Variants in RNF175 observed in about 807,000 individuals in gnomAD.
RNF175 encodes ring finger protein 175.
A neutral mutation model predicts 50.0 loss-of-function variants in RNF175; 38 were observed. The ratio of observed to expected loss-of-function variants is 0.76; its 90% CI spans 0.59 to 1.00. The LOEUF (loss-of-function observed/expected upper bound fraction) is 1.00, where lower values mean the gene tolerates loss of function less well. Among genes scored for constraint, RNF175 ranks in the 50% least tolerant of loss-of-function variants. The pLI is 0.00. For synonymous variants in RNF175, 155 were observed against 146.1 expected (o/e 1.06, Z -0.44); for missense variants, 388 against 409.6 (o/e 0.95, Z 0.46).
chr4:153,711,122 A>G (rs1320360857), intron 8 of RNF175, among the ~76,000 whole-genome samples: 3 of 152,216 alleles, frequency 2.0e-5, no homozygotes, highest in African/African-American at 7.2e-5. Context: ...CCTTTGTTAA[A>G]GTATCACTTG....
chr4:153,714,044 A>G (rs1436246679), intron 7 of RNF175: 1 of 152,250 alleles, frequency 6.6e-6, no homozygotes, highest in Admixed American at 6.5e-5. Context: ...ACTCATGCTA[A>G]AATGGGCCAT....
chr4:153,725,616 T>A (rs1377842064), intron 4 of RNF175, among the ~76,000 whole-genome samples: 1 of 152,224 alleles, frequency 6.6e-6, no homozygotes, highest in Non-Finnish European at 1.5e-5. Context: ...AGCAGGAGCT[T>A]TGCAGCCAAG....
At chr4:153,742,352 AAAAC>A (rs1038509606) in intron 3 of RNF175, among the ~76,000 whole-genome samples, 2 of 152,182 alleles carry the variant, frequency 1.3e-5, no homozygotes, top group Admixed American at 6.5e-5. Flanking sequence ...GCTTTGAAAA[AAAAC>A]AATTCATTAT....
intron 5 of RNF175, among the ~76,000 whole-genome samples, chr4:153,721,913 C>T (rs545752435): frequency 8.1e-4 from 124 of 152,246 alleles, no homozygotes; most frequent in Non-Finnish European, 1.5e-3. Flanking sequence ...TACTTTCTAC[C>T]GCTTTCCTGC....
Position 153,710,411 on chromosome 4 carries a change from T to A in RNF175, c.945A>T (p.Ile315=), listed in dbSNP as rs1339. 6.4e-7 allele frequency: 1 copy of A among 1,574,444 alleles called. No homozygotes were observed. Among genetic ancestry groups the A allele is most frequent in the Non-Finnish European group, 8.6e-7 (1 of 1,157,850 alleles). ...AATAGATAATGCCTTGAACTATTCCTATCACCACAGGTTGCCAGGCCACCA... is the reference window on the plus strand; with the variant it reads ...AATAGATAATGCCTTGAACTATTCCAATCACCACAGGTTGCCAGGCCACCA... ...RYLVAWQPVV[I]GIVQGIIYSL... Residue 315 remains isoleucine, a synonymous_variant, in exon 9 of 9, where the codon ATA becomes ATT. Coordinates refer to ENST00000347063, the MANE Select transcript of RNF175 (RefSeq NM_173662.4).
At chr4:153,716,063 CAAAAAAAAAAA>C (rs35531787) in intron 6 of RNF175, among the ~76,000 whole-genome samples, 2 of 94,190 alleles carry the variant, frequency 2.1e-5, no homozygotes, top group African/African-American at 9.7e-5. Flanking sequence ...GACTCTGTCT[CAAAAAAAAAAA>C]AAAAAAAAAA....
intron 3 of RNF175, chr4:153,748,420 C>T (rs1213189324): frequency 9.4e-6 from 4 of 423,502 alleles, no homozygotes; most frequent in Non-Finnish European, 1.7e-5. Context: ...GTGCCAGTTG[C>T]AACTCCCCTC....
At chr4:153,711,479 G>A (rs1238823805) in intron 8 of RNF175, among the ~76,000 whole-genome samples, 1 of 152,236 alleles carries the variant, frequency 6.6e-6, no homozygotes, top group Non-Finnish European at 1.5e-5. Flanking sequence ...GCAGTGCCCA[G>A]AGATGAGGGC....
intron 3 of RNF175, among the ~76,000 whole-genome samples, chr4:153,733,357 C>T (rs141912120): frequency 1.3e-5 from 2 of 152,094 alleles, no homozygotes; most frequent in African/African-American, 4.8e-5. Flanking sequence ...ACTATAAGTG[C>T]ACTTCCTACT....
chr4:153,759,695 G>T, intron 1 of RNF175, 102 bp downstream of exon 1: 1 of 733,978 alleles, frequency 1.4e-6, no homozygotes, highest in Non-Finnish European at 2.0e-6. Context: ...CCCCGGTGGG[G>T]CCCGGGGTCT....
At position 153,734,836 on chromosome 4, in the gene RNF175, C is replaced by T. The variant is rs552774389; in HGVS notation, c.247-6475G>A. Among the ~76,000 whole-genome samples the T allele has an allele frequency of 4.4e-3, 665 of 151,964 alleles. 8 individuals carry two copies. The highest frequency in any genetic ancestry group is 0.015 in the African/African-American group (639 of 41,448). On this transcript the variant is annotated intron_variant, in intron 3 of 8. Coordinates refer to ENST00000347063, the MANE Select transcript of RNF175 (RefSeq NM_173662.4). ...GACTACAGGCACCCGCCACCACACC[C>T]AGCTAATTTTTTGTATTTTTTAGTA... is the stretch of plus-strand genomic sequence containing the variant.
chr4:153,738,525 A>C (rs992413538), intron 3 of RNF175, among the ~76,000 whole-genome samples: 10 of 152,110 alleles, frequency 6.6e-5, no homozygotes, highest in African/African-American at 9.7e-5. Context: ...CTTGTTCTGA[A>C]GTCCACTTTG....
At chr4:153,718,813 T>TAAG (rs1738144581) in intron 6 of RNF175, among the ~76,000 whole-genome samples, 1 of 151,862 alleles carries the variant, frequency 6.6e-6, no homozygotes. Context: ...AGGAAAAGAG[T>TAAG]AAGATAGAGC....
chr4:153,727,550 T>A (rs2127120839), intron 4 of RNF175: 1 of 152,356 alleles, frequency 6.6e-6, no homozygotes, highest in South Asian at 2.1e-4. Context: ...CATTGTTTTA[T>A]CACTATTTTA....
chr4:153,719,700 A>G (rs2606319), intron 6 of RNF175, among the ~76,000 whole-genome samples: 4 of 152,102 alleles, frequency 2.6e-5, no homozygotes, highest in Admixed American at 2.6e-4. Context: ...TATATCTTCT[A>G]CTTCTTCAGA....
At chr4:153,756,580 C>A (rs1448245218) in intron 1 of RNF175, among the ~76,000 whole-genome samples, 4 of 152,206 alleles carry the variant, frequency 2.6e-5, no homozygotes, top group Admixed American at 6.5e-5. Flanking sequence ...CTTCTCTCCA[C>A]CCCTATGGCT....
At chr4:153,732,180 C>T (rs552120308) in intron 3 of RNF175, among the ~76,000 whole-genome samples, 7 of 151,742 alleles carry the variant, frequency 4.6e-5, no homozygotes, top group Non-Finnish European at 4.4e-5. Context: ...TGCAGTGAGC[C>T]GACATCCTGC....
chr4:153,732,179 C>T (rs931041701), intron 3 of RNF175, among the ~76,000 whole-genome samples: 5 of 151,884 alleles, frequency 3.3e-5, no homozygotes, highest in African/African-American at 1.2e-4. Context: ...TTGCAGTGAG[C>T]CGACATCCTG....
At position 153,710,292 on chromosome 4, in the gene RNF175, A is replaced by G; in HGVS notation, c.*77T>C. On this transcript the variant is annotated 3_prime_UTR_variant, in exon 9 of 9. Transcript: ENST00000347063. ...TTTCTAAACACTTGGGATCATCTCT[A>G]AAATTAAAAAAATTAATATTAAATG... 8.2e-7 allele frequency: 1 copy of G among 1,217,356 alleles called. No homozygotes were observed. The highest frequency in any genetic ancestry group is 1.1e-6 in the Non-Finnish European group (1 of 906,296). The allele number at this position is 1,217,356 out of a possible 1,614,324, so 75.4% of individuals were successfully genotyped here. A position where few individuals can be genotyped will look rare whatever the true frequency, so the allele number is the denominator to read the frequency against.
Sources: allele counts gnomAD v4.1 joint callset (sites outside exome capture counted in the v4.1 genomes callset), GRCh38; gene constraint gnomAD v4.1.1; transcripts MANE v1.5; gene names NCBI Gene and HGNC (gene_info 2026-07-23, HGNC 2026-07-21).